Variants in GALNT15 observed in about 807,000 individuals in gnomAD.
The protein encoded by GALNT15 is polypeptide N-acetylgalactosaminyltransferase 15.
A neutral mutation model predicts 66.8 loss-of-function variants in GALNT15; 67 were observed. That is an observed-to-expected ratio of 1.00 (90% CI 0.82 to 1.23). The LOEUF is 1.23. Among genes scored for constraint, GALNT15 ranks in the 50% most tolerant of loss-of-function variants. GALNT15 has a pLI of 0.00. For synonymous variants in GALNT15, 313 were observed against 311.5 expected (o/e 1.00, Z -0.05); for missense variants, 827 against 804.3 (o/e 1.03, Z -0.34).
chr3:16,244,074 C>A, the GALNT15 span: 16 of 891,942 alleles, frequency 1.8e-5, no homozygotes, highest in Non-Finnish European at 2.1e-5. Context: ...CTGCATGGCT[C>A]AAAGTAACAA....
chr3:16,219,401 A>G lies in GALNT15; in HGVS notation c.1393-2A>G, dbSNP rs766659318. ...TCCTGCTTGTGTCTTTCTCCTCCCCAGGCTGAGAAGCCAGACTGCATGGAA... is the reference window on the plus strand; with the variant it reads ...TCCTGCTTGTGTCTTTCTCCTCCCCGGGCTGAGAAGCCAGACTGCATGGAA... On this transcript the variant is annotated splice_acceptor_variant, in intron 6 of 9. Transcript: ENST00000339732. LOFTEE classifies it high-confidence loss of function. This position sits in a 1 kb window ranked among gnomAD's most constrained non-coding sequence, Gnocchi z 4.3. 7 of 1,613,876 alleles carry G rather than the reference A, an allele frequency of 4.3e-6. No homozygotes were observed. Among genetic ancestry groups the G allele is most frequent in the African/African-American group, 1.3e-5 (1 of 75,038 alleles).
chr3:16,231,780 CCTT>C (rs1229248781), downstream of GALNT15: 4 of 1,531,828 alleles, frequency 2.6e-6, no homozygotes, highest in South Asian at 2.4e-5. The surrounding 1 kb of genome is among the most constrained non-coding windows in gnomAD (Gnocchi z 4.1). Context: ...CTCCCTCTCT[CCTT>C]CTCTCTCAGG....
chr3:16,177,655 G>A (rs760980105), intron 1 of GALNT15, among the ~76,000 whole-genome samples: 12 of 152,228 alleles, frequency 7.9e-5, no homozygotes, highest in Non-Finnish European at 1.8e-4. Context: ...GTTCATATAT[G>A]TATTGTGTAT....
intron 9 of GALNT15, among the ~76,000 whole-genome samples, chr3:16,226,508 G>A (rs2124908048): frequency 6.6e-6 from 1 of 152,298 alleles, no homozygotes; most frequent in East Asian, 1.9e-4. Context: ...GAGGAAGCAA[G>A]CCCCGTCCTT....
chr3:16,207,022 G>A (rs762722845), intron 3 of GALNT15, among the ~76,000 whole-genome samples: 3 of 152,222 alleles, frequency 2.0e-5, no homozygotes, highest in Non-Finnish European at 2.9e-5. Context: ...GGGAAACCCA[G>A]AGGGATTATG....
chr3:16,218,915 A>G (rs570894958), intron 6 of GALNT15, among the ~76,000 whole-genome samples: 14 of 150,200 alleles, frequency 9.3e-5, no homozygotes, highest in Admixed American at 8.7e-4. Context: ...CCTGGGTTCA[A>G]GTGATTCTCC....
chr3:16,242,547 C>T, the GALNT15 span, among the ~76,000 whole-genome samples: 2 of 151,840 alleles, frequency 1.3e-5, no homozygotes, highest in African/African-American at 4.8e-5. The surrounding 1 kb of genome is among the most constrained non-coding windows in gnomAD (Gnocchi z 5.6). Flanking sequence ...CTCTTGCGCC[C>T]AGGAATTCGA....
Position 16,188,177 on chromosome 3 carries a change from G to C in GALNT15, c.540-7583G>C, listed in dbSNP as rs2063536809. Among the ~76,000 whole-genome samples, 1 of 152,176 alleles carries C rather than the reference G, an allele frequency of 6.6e-6. No homozygotes were observed. The highest frequency in any genetic ancestry group is 1.5e-5 in the Non-Finnish European group (1 of 68,034). On this transcript the variant is annotated intron_variant, in intron 1 of 9. Coordinates refer to ENST00000339732, the MANE Select transcript of GALNT15 (RefSeq NM_054110.5). This position sits in a 1 kb window ranked among gnomAD's most constrained non-coding sequence, Gnocchi z 4.6. ...ATCCTGGCTCCGGCTGTATATACTT[G>C]TAAGGGGGCGTCTCAGAGGAAAAGA...
In GALNT15 at chr3:16,228,960, A is replaced by G. The variant is rs2064053054; in HGVS notation, c.*1460A>G. 3.0e-6 allele frequency: 3 copies of G among 985,312 alleles called. No homozygotes were observed. The highest frequency in any genetic ancestry group is 1.7e-5 in the African/African-American group (1 of 57,228). 61.0% of individuals were successfully genotyped at this position (985,312 alleles called of 1,614,324 possible). A position where few individuals can be genotyped will look rare whatever the true frequency, so the allele number is the denominator to read the frequency against. ...GAGCTAAATGACTTTCCTTGCTATG[A>G]CTTGGCTTACCTGAATTAGCTGTAA... is the stretch of plus-strand genomic sequence containing the variant. On this transcript the variant is annotated 3_prime_UTR_variant, in exon 10 of 10. Coordinates refer to ENST00000339732, the MANE Select transcript of GALNT15 (RefSeq NM_054110.5).
chr3:16,246,437 T>A, the GALNT15 span, among the ~76,000 whole-genome samples: 2 of 148,248 alleles, frequency 1.3e-5, no homozygotes, highest in African/African-American at 5.0e-5. Context: ...GTGATTCTCC[T>A]GCCTCAGCCT....
At chr3:16,244,788 G>A in the GALNT15 span, among the ~76,000 whole-genome samples, 11,323 of 152,170 alleles carry the variant, frequency 0.074, 667 homozygotes, top group African/African-American at 0.17. Flanking sequence ...AGACAACCTC[G>A]TCTGTGCCAG....
In GALNT15 at chr3:16,195,839, C is replaced by T. The variant is rs150986489; in HGVS notation, c.619C>T (p.Leu207Phe). 8.1e-6 allele frequency: 13 copies of T among 1,614,136 alleles called. No individual in the cohort carries two copies. The highest frequency in any genetic ancestry group is 1.1e-5 in the Non-Finnish European group (13 of 1,180,004). ...TTTCCATGATGAGGCCTGGTCCACT[C>T]TCCTGCGGACTGTACACAGCATCCT... is the stretch of plus-strand genomic sequence containing the variant. ...LCFHDEAWSTLLRTVHSILDT... is the reference protein window; with the variant it reads ...LCFHDEAWSTFLRTVHSILDT... Residue 207 changes from leucine (L) to phenylalanine (F), a missense_variant, in exon 2 of 10, where the codon CTC (leucine) becomes TTC (phenylalanine). Leu to Phe is a conservative substitution (Grantham distance 22). Transcript: ENST00000339732. This position sits in a 1 kb window ranked among gnomAD's most constrained non-coding sequence, Gnocchi z 4.6.
intron 3 of GALNT15, among the ~76,000 whole-genome samples, chr3:16,201,250 C>G (rs1017773093): frequency 6.6e-6 from 1 of 151,990 alleles, no homozygotes; most frequent in East Asian, 1.9e-4. Context: ...GGGGCGATCT[C>G]GGCTCACTGC....
chr3:16,174,905 A>G lies in GALNT15; in HGVS notation c.-247A>G. ...TTGAAGTCCCTGTGAATGGGCTTTC[A>G]GAAGGCAATTAAAGAAATCCACTCA... On this transcript the variant is annotated 5_prime_UTR_variant, in exon 1 of 10. Transcript: ENST00000339732. This position sits in a 1 kb window ranked among gnomAD's most constrained non-coding sequence, Gnocchi z 4.7. The G allele has an allele frequency of 2.0e-6, 1 of 505,190 alleles. No homozygotes were observed. The highest frequency in any genetic ancestry group is 3.6e-5 in the South Asian group (1 of 27,422). 31.3% of individuals were successfully genotyped at this position (505,190 alleles called of 1,614,324 possible).
Position 16,219,774 on chromosome 3 carries a change from A to C in GALNT15, c.1525-136A>C, listed in dbSNP as rs1347606402. The C allele has an allele frequency of 1.1e-6, 1 of 889,636 alleles. No homozygotes were observed. The highest frequency in any genetic ancestry group is 1.8e-5 in the Admixed American group (1 of 54,714). The allele number at this position is 889,636 out of a possible 1,614,324, so 55.1% of individuals were successfully genotyped here. On this transcript the variant is annotated intron_variant, in intron 7 of 9. Coordinates refer to ENST00000339732, the MANE Select transcript of GALNT15 (RefSeq NM_054110.5). The surrounding 1 kb of genome is among the most constrained non-coding windows in gnomAD (Gnocchi z 4.3). ...CCTTAGGGTCAGTGGCTTCAGCTTT[A>C]CCACACCTGTTGTTGTGGCCTGAAC... is the stretch of plus-strand genomic sequence containing the variant.
In GALNT15 at chr3:16,186,555, G is replaced by A. The variant is rs1274479706; in HGVS notation, c.540-9205G>A. ...GCAATCCAAATGTCCATCAGCTGAT[G>A]AATGGACAAACAAAATGTGGTATAT... On this transcript the variant is annotated intron_variant, in intron 1 of 9. Coordinates refer to ENST00000339732, the MANE Select transcript of GALNT15 (RefSeq NM_054110.5). This position sits in a 1 kb window ranked among gnomAD's most constrained non-coding sequence, Gnocchi z 5.1. Among the ~76,000 whole-genome samples the A allele has an allele frequency of 6.6e-6, 1 of 152,204 alleles. No individual in the cohort carries two copies. The highest frequency in any genetic ancestry group is 1.5e-5 in the Non-Finnish European group (1 of 68,036).
rs982970940 is a variant in GALNT15 at position 16,191,304 on chromosome 3, G to A, written c.540-4456G>A. The A allele has an allele frequency of 7.1e-6, 7 of 984,616 alleles. No homozygotes were observed. In the African/African-American group the frequency reaches 1.2e-4, roughly 17 times the overall value. 61.0% of individuals were successfully genotyped at this position (984,616 alleles called of 1,614,324 possible). A position where few individuals can be genotyped will look rare whatever the true frequency, so the allele number is the denominator to read the frequency against. ...TCAAGAACACACACTTTCAAGGCTG[G>A]AAGAGCCTGAGAGGTACCTCTTGTA... On this transcript the variant is annotated intron_variant, in intron 1 of 9. Coordinates refer to ENST00000339732, the MANE Select transcript of GALNT15 (RefSeq NM_054110.5). The surrounding 1 kb of genome is among the most constrained non-coding windows in gnomAD (Gnocchi z 5.2).
chr3:16,241,883 C>A, the GALNT15 span, among the ~76,000 whole-genome samples: 1 of 152,302 alleles, frequency 6.6e-6, no homozygotes, highest in East Asian at 1.9e-4. This position sits in a 1 kb window ranked among gnomAD's most constrained non-coding sequence, Gnocchi z 4.6. Context: ...ATCAACTAGG[C>A]AAGTCCTCTG....
the GALNT15 span, among the ~76,000 whole-genome samples, chr3:16,246,190 G>C: frequency 6.6e-6 from 1 of 152,024 alleles, no homozygotes; most frequent in African/African-American, 2.4e-5. Context: ...TCGCAAGTTG[G>C]CCCCTACAAC....
Sources: allele counts gnomAD v4.1 joint callset (sites outside exome capture counted in the v4.1 genomes callset), GRCh38; gene constraint gnomAD v4.1.1; non-coding constraint Gnocchi (gnomAD v3.1); transcripts MANE v1.5; gene names NCBI Gene and HGNC (gene_info 2026-07-23, HGNC 2026-07-21).